Variants in ARHGEF18 observed in about 807,000 individuals in gnomAD.
The protein encoded by ARHGEF18 is Rho/Rac guanine nucleotide exchange factor 18, also known as rho guanine nucleotide exchange factor 18.
In ARHGEF18, 93 loss-of-function variants were observed where a neutral mutation model predicts 155.7. The observed-to-expected ratio is 0.60, with a 90% CI of 0.50 to 0.71. ARHGEF18 has a LOEUF of 0.71. Among genes scored for constraint, ARHGEF18 ranks in the 30% least tolerant of loss-of-function variants. The pLI is 0.00. For missense variants in ARHGEF18, 1,593 were observed against 1,816.1 expected (o/e 0.88, Z 2.23); for synonymous variants, 742 against 753.1 (o/e 0.99, Z 0.24).
intron 15 of ARHGEF18, among the ~76,000 whole-genome samples, chr19:7,448,478 G>T (rs528370775): frequency 6.6e-6 from 1 of 152,292 alleles, no homozygotes; most frequent in South Asian, 2.1e-4. Flanking sequence ...TGGCTAACAT[G>T]GTGAAACCTG....
chr19:7,349,463 T>C (rs1199828769), intron 1 of ARHGEF18, among the ~76,000 whole-genome samples: 1 of 151,986 alleles, frequency 6.6e-6, no homozygotes, highest in Admixed American at 6.6e-5. Flanking sequence ...ACGGGGATCC[T>C]TGAGGGGCTG....
At chr19:7,475,800 C>T (rs769441578), downstream of ARHGEF18, among the ~76,000 whole-genome samples, 9 of 152,198 alleles carry the variant, frequency 5.9e-5, no homozygotes, top group Non-Finnish European at 1.2e-4. Flanking sequence ...AGTTGGGTCT[C>T]CAGGTAGACA....
intron 10 of ARHGEF18, among the ~76,000 whole-genome samples, chr19:7,412,138 C>T (rs572992667): frequency 1.3e-5 from 2 of 151,428 alleles, no homozygotes; most frequent in East Asian, 2.0e-4. Context: ...CGGGTTCAAG[C>T]AATTCTCCTG....
chr19:7,425,949 A>G (rs1271251168), intron 10 of ARHGEF18, among the ~76,000 whole-genome samples: 1 of 151,462 alleles, frequency 6.6e-6, no homozygotes, highest in African/African-American at 2.4e-5. Context: ...ACAGTGACCT[A>G]TGAATGCACC....
intron 10 of ARHGEF18, among the ~76,000 whole-genome samples, chr19:7,406,076 T>C (rs1362579774): frequency 6.6e-6 from 1 of 151,908 alleles, no homozygotes; most frequent in African/African-American, 2.4e-5. Context: ...GAACACCAGA[T>C]TCTTTTTGTT....
intron 10 of ARHGEF18, among the ~76,000 whole-genome samples, chr19:7,385,860 T>TCTCTCTCC (rs1970999663): frequency 1.0e-5 from 1 of 98,918 alleles, no homozygotes; most frequent in Non-Finnish European, 1.9e-5. Flanking sequence ...TCTCTCTCTC[T>TCTCTCTCC]CTCTCTCTCT....
At chr19:7,372,620 C>T (rs1413821691) in intron 2 of ARHGEF18, among the ~76,000 whole-genome samples, 192 bp from the exon 3 acceptor site, 1 of 152,182 alleles carries the variant, frequency 6.6e-6, no homozygotes, top group Non-Finnish European at 1.5e-5. Context: ...CCAGGTTAGA[C>T]AGGGGACTGG....
intron 10 of ARHGEF18, among the ~76,000 whole-genome samples, chr19:7,398,456 G>A (rs1451800155): frequency 2.6e-5 from 4 of 152,096 alleles, no homozygotes; most frequent in Admixed American, 2.6e-4. Context: ...AACACCTTGG[G>A]AGGTCGAGGT....
At position 7,453,599 on chromosome 19, in the gene ARHGEF18, T is replaced by C; in HGVS notation, c.1988T>C (p.Leu663Pro). 1.2e-6 allele frequency: 2 copies of C among 1,613,800 alleles called. No individual in the cohort carries two copies. The highest frequency in any genetic ancestry group is 1.1e-5 in the South Asian group (1 of 91,044). Residue 663 changes from leucine (L) to proline (P), a missense_variant, in exon 17 of 29, where the codon CTG (leucine) becomes CCG (proline). Transcript: ENST00000668164. ...AGGGAGATCGCAGGGAAGATGGACC[T>C]GAAGTCTTCCAGCAAACTCAAGAAC... Reference protein sequence around the residue: ...RLREIAGKMDLKSSSKLKNGL... With the variant: ...RLREIAGKMDPKSSSKLKNGL...
chr19:7,369,564 T>C (rs11665744), intron 2 of ARHGEF18, among the ~76,000 whole-genome samples: 31,740 of 151,266 alleles, frequency 0.21, 4,003 homozygotes, highest in Non-Finnish European at 0.28. Context: ...TTTGGGAGGC[T>C]GAGGCAGGTG....
chr19:7,355,510 A>G, intron 1 of ARHGEF18: 2 of 603,940 alleles, frequency 3.3e-6, no homozygotes, highest in Non-Finnish European at 4.2e-6. Context: ...GGCTTCTATC[A>G]GCTGATGTAT....
At chr19:7,386,234 CAAAAAA>C (rs539106383) in intron 10 of ARHGEF18, among the ~76,000 whole-genome samples, 2 of 108,288 alleles carry the variant, frequency 1.8e-5, no homozygotes, top group African/African-American at 3.3e-5. Flanking sequence ...TGCTATGTTG[CAAAAAA>C]AAAAAAAAAA....
chr19:7,451,194 T>G lies in ARHGEF18; in HGVS notation c.1783T>G (p.Cys595Gly). Residue 595 changes from cysteine to glycine, a missense_variant, in exon 16 of 29, where the codon TGC becomes GGC. Coordinates refer to ENST00000668164, the MANE Select transcript of ARHGEF18 (RefSeq NM_001367823.1). ...CGTGCGGCGGCTTGGCGTGCAGGAG[T>G]GCATTCTCCTGGTTACACAACGCAT... ...SIVRRLGVQE[C>G]ILLVTQRITK... 1 of 1,577,378 alleles carries G rather than the reference T, an allele frequency of 6.3e-7. No individual in the cohort carries two copies. The highest frequency in any genetic ancestry group is 8.6e-7 in the Non-Finnish European group (1 of 1,164,846).
In ARHGEF18 at chr19:7,412,512, T is replaced by C. The variant is rs1458154116; in HGVS notation, c.968-27832T>C. Among the ~76,000 whole-genome samples the C allele has an allele frequency of 2.0e-5, 3 of 151,198 alleles. No individual in the cohort carries two copies. In the East Asian group the frequency reaches 5.9e-4, roughly 30 times the overall value. The stretch of plus-strand genomic sequence containing the variant: ...ATCCCAGCACTTTGGGAGACGAAGG[T>C]GGGCGGATCACCTGAGGTCAGGAGT... On this transcript the variant is annotated intron_variant, in intron 10 of 28. Coordinates refer to ENST00000668164, the MANE Select transcript of ARHGEF18 (RefSeq NM_001367823.1).
At chr19:7,418,626 G>C (rs951221861) in intron 10 of ARHGEF18, among the ~76,000 whole-genome samples, 2 of 151,964 alleles carry the variant, frequency 1.3e-5, no homozygotes, top group Non-Finnish European at 2.9e-5. Context: ...CCATCCTACA[G>C]ATGGGGGAAA....
chr19:7,380,278 A>G (rs1205038019), intron 7 of ARHGEF18, among the ~76,000 whole-genome samples: 1 of 151,894 alleles, frequency 6.6e-6, no homozygotes, highest in African/African-American at 2.4e-5. Flanking sequence ...GGAGATCGAG[A>G]CCATCCTGAC....
chr19:7,472,374 T>C lies in ARHGEF18; in HGVS notation c.*2076T>C, dbSNP rs555164541. On this transcript the variant is annotated 3_prime_UTR_variant, in exon 29 of 29. Transcript: ENST00000668164. ...AGTTGTGGTCATGATCTTAGTCACC[T>C]GCTAATTATTTTTACAATGATTACA... The C allele has an allele frequency of 2.0e-5, 3 of 153,728 alleles. No individual in the cohort carries two copies. In the East Asian group the frequency reaches 5.8e-4, roughly 30 times the overall value. The allele number at this position is 153,728 out of a possible 1,614,324, so 9.5% of individuals were successfully genotyped here.
rs909643064 is a variant in ARHGEF18 at position 7,430,648 on chromosome 19, C to G, written c.968-9696C>G. On this transcript the variant is annotated intron_variant, in intron 10 of 28. Coordinates refer to ENST00000668164, the MANE Select transcript of ARHGEF18 (RefSeq NM_001367823.1). ...GGAGACCCTATCTCTATAAAAATAT[C>G]TAAAAAATTAGCTGGGCATGGTGGT... Among the ~76,000 whole-genome samples the G allele has an allele frequency of 2.0e-5, 3 of 151,734 alleles. No homozygotes were observed. The South Asian group carries it at 6.2e-4, about 32-fold the overall frequency.
intron 8 of ARHGEF18, among the ~76,000 whole-genome samples, chr19:7,381,691 T>TAAATAAATAATAAATA (rs533011251): frequency 1.4e-5 from 2 of 146,092 alleles, no homozygotes; most frequent in African/African-American, 5.2e-5. Flanking sequence ...AATAAATAAA[T>TAAATAAATAATAAATA]AATAAATAAA....
Sources: allele counts gnomAD v4.1 joint callset (sites outside exome capture counted in the v4.1 genomes callset), GRCh38; gene constraint gnomAD v4.1.1; transcripts MANE v1.5; gene names NCBI Gene and HGNC (gene_info 2026-07-23, HGNC 2026-07-21).